Variants in TRPM1 observed in about 807,000 individuals in gnomAD.
TRPM1 encodes the protein TRPM1-203 APA Isoform, Intron 10.
A neutral mutation model predicts 149.4 loss-of-function variants in TRPM1; 113 were observed. That is an observed-to-expected ratio of 0.76 (90% confidence interval 0.65 to 0.88). The LOEUF is 0.88. Ranked by LOEUF, TRPM1 falls within the 40% of genes least tolerant of loss-of-function variation. The pLI is 0.00. For missense variants in TRPM1, 1,976 were observed against 2,038.7 expected (o/e 0.97, Z 0.59); for synonymous variants, 741 against 759.5 (o/e 0.98, Z 0.40).
chr15:31,081,544 A>C, intron 1 of TRPM1, 106 bp from the exon 2 acceptor site: 1 of 717,424 alleles, frequency 1.4e-6, no homozygotes, highest in East Asian at 2.7e-5. Flanking sequence ...CTCTGCTCTA[A>C]TGTGGCCTCT....
intron 27 of TRPM1, among the ~76,000 whole-genome samples, chr15:31,024,479 C>G (rs2032652935): frequency 6.6e-6 from 1 of 152,162 alleles, no homozygotes; most frequent in African/African-American, 2.4e-5. Context: ...GAATGTGCTC[C>G]CATCGCTCCT....
chr15:31,109,804 A>G (rs2035660380), intron 1 of TRPM1, among the ~76,000 whole-genome samples: 1 of 151,830 alleles, frequency 6.6e-6, no homozygotes, highest in Non-Finnish European at 1.5e-5. Flanking sequence ...TTAGAGTTGG[A>G]GATGACAGAC....
Position 31,070,147 on chromosome 15 carries a change from T to G in TRPM1, c.163A>C (p.Lys55Gln). The change falls in exon 4 of 28, where the codon AAA becomes CAA. Residue 55 changes from lysine (K) to glutamine (Q), a missense_variant. Around this residue, in one of 3 missense-constraint regions of TRPM1, gnomAD observed 1,332 missense variants for 1,347.1 expected, o/e 0.99. Coordinates refer to ENST00000256552, the MANE Select transcript of TRPM1 (RefSeq NM_001252024.2). ...ATPSKNEEES[K>Q]QVETQPEKWS... is the part of the protein sequence containing the mutation. Reference sequence around the variant, plus strand: ...TTCTCAGGCTGAGTCTCCACCTGTTTGCTTTCCTCTTCATTTTTGCTGGGT... The same window carrying G: ...TTCTCAGGCTGAGTCTCCACCTGTTGGCTTTCCTCTTCATTTTTGCTGGGT... The G allele has an allele frequency of 1.9e-6, 3 of 1,614,144 alleles. No homozygotes were observed. The highest frequency in any genetic ancestry group is 2.5e-6 in the Non-Finnish European group (3 of 1,179,964).
intron 1 of TRPM1, among the ~76,000 whole-genome samples, chr15:31,109,509 C>T (rs942393615): frequency 6.6e-6 from 1 of 151,134 alleles, no homozygotes; most frequent in African/African-American, 2.4e-5. Flanking sequence ...TCAACCTGGC[C>T]ACAACACGAT....
intron 9 of TRPM1, among the ~76,000 whole-genome samples, chr15:31,061,895 C>G (rs1269821571): frequency 6.6e-6 from 1 of 152,058 alleles, no homozygotes; most frequent in Admixed American, 6.6e-5. Flanking sequence ...ACCATGTTGG[C>G]CAGGCCGGTC....
At position 31,002,668 on chromosome 15, in the gene TRPM1, G is replaced by A; in HGVS notation, c.4032C>T (p.Asn1344=). The A allele has an allele frequency of 1.2e-6, 2 of 1,614,192 alleles. No homozygotes were observed. The highest frequency in any genetic ancestry group is 1.7e-6 in the Non-Finnish European group (2 of 1,180,036). Reference sequence around the variant, plus strand: ...TTGTGCCCAGTGAAAGGTGAAGACTGTTCTGACATTCTGGGACTAGGTGCG... The same window carrying A: ...TTGTGCCCAGTGAAAGGTGAAGACTATTCTGACATTCTGGGACTAGGTGCG... ...VKTHLVPECQ[N]SLHLSLGTST... is the part of the protein sequence containing the mutation. The change falls in exon 28 of 28, where the codon AAC becomes AAT. Residue 1344 remains asparagine (N), a synonymous_variant. Transcript: ENST00000256552.
intron 27 of TRPM1, among the ~76,000 whole-genome samples, chr15:31,009,091 T>C (rs2032092862): frequency 6.6e-6 from 1 of 152,216 alleles, no homozygotes; most frequent in African/African-American, 2.4e-5. Context: ...CTTTTAGAAT[T>C]GGTCTGCTAG....
chr15:31,033,563 G>GT (rs2033194432), intron 21 of TRPM1, among the ~76,000 whole-genome samples: 1 of 152,204 alleles, frequency 6.6e-6, no homozygotes, highest in Non-Finnish European at 1.5e-5. Flanking sequence ...GCTGTCTGTG[G>GT]TACCACACTG....
chr15:31,044,850 A>T, intron 16 of TRPM1, among the ~76,000 whole-genome samples: 1 of 152,082 alleles, frequency 6.6e-6, no homozygotes, highest in East Asian at 1.9e-4. Context: ...GAGACTGAAA[A>T]AAACTAGAAT....
intron 1 of TRPM1, among the ~76,000 whole-genome samples, chr15:31,119,809 GT>G (rs1343428266): frequency 6.6e-6 from 1 of 152,136 alleles, no homozygotes; most frequent in African/African-American, 2.4e-5. Context: ...GTGGGTTTAG[GT>G]TAGTTTTAAA....
chr15:31,110,870 TTCTTCTTTCTTTC>T (rs1483143359), intron 1 of TRPM1, among the ~76,000 whole-genome samples: 1 of 151,624 alleles, frequency 6.6e-6, no homozygotes, highest in Non-Finnish European at 1.5e-5. Flanking sequence ...TTTCTTTTCT[TTCTTCTTTCTTTC>T]TCTTTCTCTC....
intron 22 of TRPM1, among the ~76,000 whole-genome samples, chr15:31,031,514 G>A (rs1346549929): frequency 1.3e-5 from 2 of 152,184 alleles, no homozygotes; most frequent in Non-Finnish European, 2.9e-5. Flanking sequence ...AGGAAGAGGA[G>A]CAGATACCTA....
At chr15:31,155,323 G>A (rs534628493) in intron 1 of TRPM1, among the ~76,000 whole-genome samples, 2 of 151,842 alleles carry the variant, frequency 1.3e-5, no homozygotes, top group Admixed American at 6.5e-5. Context: ...AGACTGCAGT[G>A]GGGGAGCTTG....
intron 17 of TRPM1, among the ~76,000 whole-genome samples, chr15:31,041,011 T>A (rs2033598605): frequency 1.3e-5 from 2 of 152,134 alleles, no homozygotes; most frequent in African/African-American, 4.8e-5. Flanking sequence ...CCAGAGGGCG[T>A]CTAATGACTG....
intron 27 of TRPM1, among the ~76,000 whole-genome samples, chr15:31,006,821 G>T (rs72710454): frequency 4.0e-5 from 6 of 151,828 alleles, no homozygotes; most frequent in Non-Finnish European, 7.4e-5. Context: ...TCTTGTATTC[G>T]GTGTGTAGAT....
chr15:31,152,610 T>A (rs1416770991), intron 1 of TRPM1, among the ~76,000 whole-genome samples: 1 of 152,148 alleles, frequency 6.6e-6, no homozygotes, highest in Admixed American at 6.5e-5. Flanking sequence ...TCTTTTGGAA[T>A]TTAGGCACAA....
rs193208541 is a variant in TRPM1 at position 31,069,815 on chromosome 15, C to T, written c.279+216G>A. 1.2e-4 allele frequency: 176 copies of T among 1,497,194 alleles called. 1 individual carries two copies. The highest frequency in any genetic ancestry group is 1.2e-3 in the Admixed American group (50 of 42,578). The allele number at this position is 1,497,194 out of a possible 1,614,324, so 92.7% of individuals were successfully genotyped here. On this transcript the variant is annotated intron_variant, in intron 4 of 27. Transcript: ENST00000256552. Reference sequence around the variant, plus strand: ...GATTCAGAGCTTTGGTATGGATTTACGGGACACTAGATGTTCTTTACAGTG... The same window carrying T: ...GATTCAGAGCTTTGGTATGGATTTATGGGACACTAGATGTTCTTTACAGTG...
chr15:31,160,288 A>C (rs977388660), intron 1 of TRPM1, among the ~76,000 whole-genome samples: 1 of 152,160 alleles, frequency 6.6e-6, no homozygotes, highest in African/African-American at 2.4e-5. Context: ...TCAAATCAGC[A>C]TGTGCTGTGG....
intron 1 of TRPM1, among the ~76,000 whole-genome samples, chr15:31,107,601 G>C (rs2035626211): frequency 6.6e-6 from 1 of 151,636 alleles, no homozygotes; most frequent in South Asian, 2.1e-4. Context: ...TGCTTGATTT[G>C]GATTTAGTTT....
Sources: gnomAD v4.1 joint callset for allele counts (sites outside exome capture counted in the v4.1 genomes callset) on GRCh38, gnomAD v4.1.1 for gene constraint, gnomAD v4.1.1 regional missense constraint, MANE v1.5 for transcripts, NCBI Gene and HGNC (gene_info 2026-07-23, HGNC 2026-07-21) for gene names.